ADGRB3: variants seen among roughly 807,000 people sequenced by gnomAD.
The protein encoded by ADGRB3 is brain-specific angiogenesis inhibitor 3.
ADGRB3 carries 37 observed loss-of-function variants against 193.4 expected under a neutral mutation model. That is an observed-to-expected ratio of 0.19 (90% CI 0.15 to 0.25). ADGRB3 has a LOEUF of 0.25. Ranked by LOEUF, ADGRB3 falls within the 10% of genes least tolerant of loss-of-function variation. ADGRB3 has a pLI of 1.00. For synonymous variants in ADGRB3, 690 were observed against 644.2 expected (o/e 1.07, Z -1.08); for missense variants, 1,637 against 1,852.9 (o/e 0.88, Z 2.14).
chr6:69,093,314 C>A (rs2150318352), intron 17 of ADGRB3, among the ~76,000 whole-genome samples: 1 of 150,868 alleles, frequency 6.6e-6, no homozygotes, highest in East Asian at 2.0e-4. Context: ...ATGGGGTGGG[C>A]ATTCTAGGTT....
intron 20 of ADGRB3, among the ~76,000 whole-genome samples, chr6:69,306,002 G>T (rs1157332709): frequency 1.3e-5 from 2 of 151,490 alleles, no homozygotes; most frequent in African/African-American, 4.9e-5. Flanking sequence ...GTAATCTAAA[G>T]ATGATTTAAA....
intron 3 of ADGRB3, among the ~76,000 whole-genome samples, chr6:68,711,008 T>A (rs1036901386): frequency 6.6e-6 from 1 of 152,080 alleles, no homozygotes; most frequent in Non-Finnish European, 1.5e-5. Flanking sequence ...GTTCCCTTGA[T>A]CCCTTTTCAC....
At chr6:69,312,353 G>A (rs1181142751) in intron 20 of ADGRB3, among the ~76,000 whole-genome samples, 3 of 151,732 alleles carry the variant, frequency 2.0e-5, no homozygotes, top group South Asian at 2.1e-4. Context: ...AAGGAGAAAG[G>A]CAGAGTTCAT....
intron 15 of ADGRB3, among the ~76,000 whole-genome samples, chr6:69,059,146 G>A (rs1003996647): frequency 2.6e-5 from 4 of 151,932 alleles, no homozygotes; most frequent in African/African-American, 9.7e-5. Flanking sequence ...ATGACATTAG[G>A]TGCACATATA....
At chr6:69,091,365 A>G (rs1727069238) in intron 17 of ADGRB3, among the ~76,000 whole-genome samples, 1 of 152,220 alleles carries the variant, frequency 6.6e-6, no homozygotes, top group Admixed American at 6.5e-5. Context: ...CACTTTTCAC[A>G]ATAGCAAAGA....
At chr6:68,810,279 A>G (rs1035763439) in intron 3 of ADGRB3, among the ~76,000 whole-genome samples, 7 of 152,182 alleles carry the variant, frequency 4.6e-5, no homozygotes, top group African/African-American at 1.7e-4. Context: ...AATAAAGTCT[A>G]TAATTTAAAG....
intron 20 of ADGRB3, among the ~76,000 whole-genome samples, chr6:69,263,545 G>A (rs762894096): frequency 1.7e-4 from 26 of 152,076 alleles, no homozygotes; most frequent in Admixed American, 9.8e-4. Context: ...ACAGAAACAC[G>A]TGTCATATTT....
intron 17 of ADGRB3, among the ~76,000 whole-genome samples, chr6:69,183,386 T>C (rs1764984647): frequency 6.6e-6 from 1 of 152,134 alleles, no homozygotes; most frequent in Non-Finnish European, 1.5e-5. Flanking sequence ...TTATAAGTAG[T>C]GAAGACTGTA....
intron 28 of ADGRB3, among the ~76,000 whole-genome samples, chr6:69,358,808 C>T (rs1054065123): frequency 6.6e-6 from 1 of 151,776 alleles, no homozygotes; most frequent in Non-Finnish European, 1.5e-5. Flanking sequence ...TTTGTTTATG[C>T]TGTATATTCA....
intron 3 of ADGRB3, among the ~76,000 whole-genome samples, chr6:68,832,552 GC>G (rs1273194420): frequency 6.6e-6 from 1 of 152,082 alleles, no homozygotes; most frequent in East Asian, 1.9e-4. Context: ...ATACGTTACT[GC>G]CTTAATTATA....
intron 3 of ADGRB3, among the ~76,000 whole-genome samples, chr6:68,670,525 G>C (rs1266165627): frequency 6.6e-6 from 1 of 151,884 alleles, no homozygotes; most frequent in Non-Finnish European, 1.5e-5. Flanking sequence ...TGAAAAGACT[G>C]TCTTTTTTCT....
rs184847111 is a variant in ADGRB3, at chr6:69,079,148, A to C, written c.2480+3110A>C. Among the ~76,000 whole-genome samples the C allele has an allele frequency of 1.6e-4, 25 of 152,210 alleles. No homozygotes were observed. In the East Asian group the frequency reaches 4.8e-3, roughly 29 times the overall value. On this transcript the variant is annotated intron_variant, in intron 17 of 31. Transcript: ENST00000370598. ...ATCTATTACCCAGATTATCTCAAAC[A>C]AAGGCATTTTATTTTACTATCATTA...
chr6:69,090,705 A>G (rs1158032311), intron 17 of ADGRB3, among the ~76,000 whole-genome samples: 1 of 152,200 alleles, frequency 6.6e-6, no homozygotes, highest in African/African-American at 2.4e-5. Context: ...GCAAAGGGCT[A>G]TACCTGAGCT....
intron 28 of ADGRB3, among the ~76,000 whole-genome samples, chr6:69,356,499 A>C (rs1319836665): frequency 6.6e-6 from 1 of 152,096 alleles, no homozygotes; most frequent in East Asian, 1.9e-4. Context: ...AGAAGGAGAG[A>C]GAGAGAGAAA....
chr6:68,858,045 G>A (rs1765037107), intron 3 of ADGRB3, among the ~76,000 whole-genome samples: 1 of 152,152 alleles, frequency 6.6e-6, no homozygotes, highest in Non-Finnish European at 1.5e-5. Context: ...CCATGATTGT[G>A]AGGCTTCCTC....
chr6:69,132,197 G>A (rs904343932), intron 17 of ADGRB3, among the ~76,000 whole-genome samples: 10 of 152,084 alleles, frequency 6.6e-5, no homozygotes, highest in Admixed American at 3.3e-4. Flanking sequence ...TTGAGGAATC[G>A]CCACACTGTC....
At chr6:69,034,864 C>T (rs1195206645) in intron 13 of ADGRB3, among the ~76,000 whole-genome samples, 1 of 151,840 alleles carries the variant, frequency 6.6e-6, no homozygotes, top group Non-Finnish European at 1.5e-5. Flanking sequence ...AAATAGAACA[C>T]TCAATTTGAT....
intron 10 of ADGRB3, among the ~76,000 whole-genome samples, chr6:68,990,310 G>A (rs769858101): frequency 2.6e-5 from 4 of 152,108 alleles, no homozygotes; most frequent in Non-Finnish European, 4.4e-5. Flanking sequence ...GGACAGAAAC[G>A]TATGTTATTC....
intron 17 of ADGRB3, among the ~76,000 whole-genome samples, chr6:69,168,511 T>G (rs1377767191): frequency 6.6e-6 from 1 of 152,092 alleles, no homozygotes; most frequent in East Asian, 1.9e-4. Flanking sequence ...TAAACTAATG[T>G]TTTCGAAAAC....
Sources: allele counts gnomAD v4.1 joint callset (sites outside exome capture counted in the v4.1 genomes callset), GRCh38; gene constraint gnomAD v4.1.1; transcripts MANE v1.5; gene names NCBI Gene and HGNC (gene_info 2026-07-23, HGNC 2026-07-21).